The following CARS2 variants were observed in gnomAD, a reference collection of about 807,000 sequenced individuals.
CARS2 encodes the protein cysteinyl-tRNA synthetase 2, mitochondrial.
CARS2 carries 52 observed loss-of-function variants against 68.8 expected under a neutral mutation model. The ratio of observed to expected loss-of-function variants is 0.76; its 90% CI spans 0.61 to 0.95. CARS2 has a LOEUF of 0.95. CARS2 is among the 40% of genes least tolerant of loss of function. CARS2 has a pLI of 0.00. For missense variants in CARS2, 780 were observed against 754.2 expected (o/e 1.03, Z -0.40); for synonymous variants, 314 against 303.6 (o/e 1.03, Z -0.36).
chr13:110,699,819 C>T (rs1217130971), intron 3 of CARS2, among the ~76,000 whole-genome samples: 8 of 152,242 alleles, frequency 5.3e-5, no homozygotes, highest in Admixed American at 2.6e-4. Flanking sequence ...AAGTGATGTG[C>T]GGGGCACTGG....
intron 3 of CARS2, among the ~76,000 whole-genome samples, chr13:110,695,309 C>T (rs1223245404): frequency 6.6e-6 from 1 of 151,868 alleles, no homozygotes. Flanking sequence ...AAAAATAATA[C>T]AAATTTTTAA....
At chr13:110,663,236 G>C (rs141729169) in intron 9 of CARS2, among the ~76,000 whole-genome samples, 2 of 152,298 alleles carry the variant, frequency 1.3e-5, no homozygotes, top group Non-Finnish European at 2.9e-5. Flanking sequence ...CACCAAGAAA[G>C]GGACTGCGGA....
intron 9 of CARS2, among the ~76,000 whole-genome samples, chr13:110,652,299 C>T (rs2062236952): frequency 6.6e-6 from 1 of 152,252 alleles, no homozygotes; most frequent in Admixed American, 6.5e-5. Context: ...GTCGTGGGAG[C>T]ACAGAGCTGC....
chr13:110,678,623 A>G (rs762349603), intron 6 of CARS2, among the ~76,000 whole-genome samples: 4 of 152,234 alleles, frequency 2.6e-5, no homozygotes, highest in Non-Finnish European at 5.9e-5. Context: ...GAGAGCATCA[A>G]TAACACCTTA....
intron 3 of CARS2, among the ~76,000 whole-genome samples, chr13:110,698,411 T>C (rs2063686047): frequency 6.6e-6 from 1 of 151,640 alleles, no homozygotes; most frequent in South Asian, 2.1e-4. Context: ...TCCCAGCTAC[T>C]CGGGAGGCTG....
upstream of CARS2, among the ~76,000 whole-genome samples, chr13:110,707,038 AC>A (rs918893515): frequency 1.2e-4 from 18 of 150,454 alleles, no homozygotes; most frequent in African/African-American, 4.2e-4. Flanking sequence ...TACAGTGTAC[AC>A]CCCAATACAG....
chr13:110,650,723 T>C, intron 10 of CARS2: 1 of 322,652 alleles, frequency 3.1e-6, no homozygotes, highest in Non-Finnish European at 5.7e-6. Context: ...GGCTGGCCCC[T>C]TCCAATCTCC....
intron 7 of CARS2, among the ~76,000 whole-genome samples, chr13:110,673,943 G>C (rs530161253): frequency 4.5e-4 from 69 of 152,286 alleles, no homozygotes; most frequent in African/African-American, 1.4e-3. Flanking sequence ...CAAATCATGA[G>C]TGAACTCCCA....
intron 7 of CARS2, among the ~76,000 whole-genome samples, chr13:110,671,493 C>T: frequency 6.6e-6 from 1 of 152,106 alleles, no homozygotes; most frequent in Non-Finnish European, 1.5e-5. Flanking sequence ...GAAATAAAAT[C>T]CTTTACAGAC....
At chr13:110,663,253 C>T (rs1460541582) in intron 9 of CARS2, among the ~76,000 whole-genome samples, 198 bp downstream of exon 9, 2 of 151,742 alleles carry the variant, frequency 1.3e-5, no homozygotes, top group Non-Finnish European at 2.9e-5. Flanking sequence ...CGGAAACCTG[C>T]GGGAGGCGCA....
At chr13:110,712,559 G>T in intron 1 of CARS2, 1 of 289,096 alleles carries the variant, frequency 3.5e-6, no homozygotes, top group Non-Finnish European at 6.9e-6. Context: ...GGGGCCGGTC[G>T]CCTAGGCAAC....
Position 110,653,199 on chromosome 13 carries a change from ATGTGTGTGTGTGTGTTTG to A in CARS2, c.988-2117_988-2100del, listed in dbSNP as rs1415596100. ...CTGGGGTGGGGAGGGGGGCTGGGGT[ATGTGTGTGTGTGTGTTTG>A]TGTGTGTGTGTGTGAAGAGCCCCTG... On this transcript the variant is annotated intron_variant, in intron 9 of 14. Coordinates refer to ENST00000257347, the MANE Select transcript of CARS2 (RefSeq NM_024537.4). This position sits in a 1 kb window ranked among gnomAD's most constrained non-coding sequence, Gnocchi z 5.6. Among the ~76,000 whole-genome samples the A allele has an allele frequency of 4.3e-4, 64 of 148,938 alleles. No individual in the cohort carries two copies. Among genetic ancestry groups the A allele is most frequent in the African/African-American group, 1.3e-3 (52 of 39,958 alleles).
intron 3 of CARS2, among the ~76,000 whole-genome samples, chr13:110,691,999 A>T (rs1185012236): frequency 7.2e-4 from 57 of 78,644 alleles, no homozygotes; most frequent in African/African-American, 1.3e-3. Flanking sequence ...AAAAAAAAAA[A>T]AAAAATATAT....
At chr13:110,652,100 C>T (rs1370345084) in intron 9 of CARS2, among the ~76,000 whole-genome samples, 3 of 152,274 alleles carry the variant, frequency 2.0e-5, no homozygotes, top group Non-Finnish European at 4.4e-5. Context: ...CCATGCCTGT[C>T]CACTGCGCAG....
intron 8 of CARS2, chr13:110,664,883 T>G: frequency 1.8e-6 from 1 of 555,290 alleles, no homozygotes; most frequent in Non-Finnish European, 2.3e-6. Context: ...ACACCGAGTC[T>G]GCCAGTGCGC....
intron 9 of CARS2, among the ~76,000 whole-genome samples, chr13:110,654,720 C>A (rs1489074250): frequency 6.6e-6 from 1 of 151,642 alleles, no homozygotes. Flanking sequence ...GAGTTTGAGA[C>A]CAGCCTGGGC....
chr13:110,685,327 T>G (rs2139847835), intron 5 of CARS2, among the ~76,000 whole-genome samples: 1 of 152,248 alleles, frequency 6.6e-6, no homozygotes, highest in Non-Finnish European at 1.5e-5. Context: ...AAAAAAGTTT[T>G]TCTTTGAAAC....
At chr13:110,651,975 G>T (rs1028837740) in intron 9 of CARS2, among the ~76,000 whole-genome samples, 3 of 152,232 alleles carry the variant, frequency 2.0e-5, no homozygotes, top group African/African-American at 7.2e-5. Context: ...CCTGGCCAGG[G>T]ACGCGCTCCG....
rs756299705 is a variant in CARS2, at chr13:110,647,116, G to A, written c.1178C>T (p.Ala393Val). The A allele has an allele frequency of 9.4e-6, 15 of 1,594,488 alleles. No individual in the cohort carries two copies. The highest frequency in any genetic ancestry group is 2.3e-5 in the South Asian group (2 of 88,734). ...GGCCTCTTACCTCTCCCACAGCATC[G>A]CTTCCCTGACGGAGCCGCAGGCCAG... Reference protein sequence around the residue: ...GQLACGSVREAMLWERLSSTK... With the variant: ...GQLACGSVREVMLWERLSSTK... Residue 393 changes from alanine (A) to valine (V), a missense_variant, in exon 11 of 15, where the codon GCG becomes GTG. Ala to Val is a moderately conservative substitution (Grantham distance 64). Transcript: ENST00000257347.
Sources: allele counts gnomAD v4.1 joint callset (sites outside exome capture counted in the v4.1 genomes callset), GRCh38; gene constraint gnomAD v4.1.1; non-coding constraint Gnocchi (gnomAD v3.1); transcripts MANE v1.5; gene names NCBI Gene and HGNC (gene_info 2026-07-23, HGNC 2026-07-21).